The following RABGEF1 variants were observed in gnomAD, a reference collection of about 807,000 sequenced individuals.
The protein encoded by RABGEF1 is RAB guanine nucleotide exchange factor 1.
A neutral mutation model predicts 57.3 loss-of-function variants in RABGEF1; 26 were observed. That is an observed-to-expected ratio of 0.45 (90% CI 0.33 to 0.63). The LOEUF (loss-of-function observed/expected upper bound fraction) is 0.63, where lower values mean the gene tolerates loss of function less well. Ranked by LOEUF, RABGEF1 falls within the 20% of genes least tolerant of loss-of-function variation. The pLI, the probability that RABGEF1 is intolerant of heterozygous loss-of-function variation, is 0.02. For missense variants in RABGEF1, 464 were observed against 607.6 expected (o/e 0.76, Z 2.48); for synonymous variants, 185 against 210.7 (o/e 0.88, Z 1.06).
At chr7:66,715,613 AT>A (rs1795300300) in intron 2 of RABGEF1, among the ~76,000 whole-genome samples, 3 of 152,290 alleles carry the variant, frequency 2.0e-5, no homozygotes, top group African/African-American at 7.2e-5. Flanking sequence ...GCATTTGAAT[AT>A]TTTTTAGTGT....
At chr7:66,658,196 G>C in the RABGEF1 span, among the ~76,000 whole-genome samples, 37 of 152,064 alleles carry the variant, frequency 2.4e-4, no homozygotes, top group African/African-American at 8.9e-4. Context: ...CAAATCTCTA[G>C]AAACACAAAC....
chr7:66,684,838 T>C (rs566356699), intron 1 of RABGEF1, among the ~76,000 whole-genome samples: 11 of 152,262 alleles, frequency 7.2e-5, no homozygotes, highest in Admixed American at 1.3e-4. Flanking sequence ...GGTTTCACCA[T>C]GTTAGCCAGG....
the RABGEF1 span, chr7:66,666,369 T>A: frequency 6.6e-6 from 1 of 152,144 alleles, no homozygotes; most frequent in African/African-American, 2.4e-5. Flanking sequence ...CTCTGTTGGT[T>A]GCAAAAAACC....
At chr7:66,678,331 C>G (rs376820951), upstream of RABGEF1, among the ~76,000 whole-genome samples, 1 of 151,792 alleles carries the variant, frequency 6.6e-6, no homozygotes, top group African/African-American at 2.4e-5. Flanking sequence ...TTTGGGAGGC[C>G]GAGGTGGGCG....
In RABGEF1 at chr7:66,771,888, A is replaced by C. The variant is rs749395792; in HGVS notation, c.-12A>C. 6.7e-7 allele frequency: 1 copy of C among 1,485,584 alleles called. No individual in the cohort carries two copies. Among genetic ancestry groups the C allele is most frequent in the Non-Finnish European group, 9.0e-7 (1 of 1,111,044 alleles). The allele number at this position is 1,485,584 out of a possible 1,614,324, so 92.0% of individuals were successfully genotyped here. On this transcript the variant is annotated 5_prime_UTR_variant, in exon 2 of 9. Transcript: ENST00000284957. ...GCACTTTCTTGTTTGTTCAGTGGTTAGCAGGAAGAAGATGAGCCTTAAGTC... is the reference window on the plus strand; with the variant it reads ...GCACTTTCTTGTTTGTTCAGTGGTTCGCAGGAAGAAGATGAGCCTTAAGTC...
chr7:66,761,620 G>A (rs117020682), intron 1 of RABGEF1, among the ~76,000 whole-genome samples: 4 of 152,108 alleles, frequency 2.6e-5, no homozygotes, highest in African/African-American at 4.8e-5. Context: ...ACCAGCATTC[G>A]TCCCTCAGAG....
At chr7:66,727,127 A>G (rs904918810) in intron 2 of RABGEF1, among the ~76,000 whole-genome samples, 2 of 152,262 alleles carry the variant, frequency 1.3e-5, no homozygotes, top group Non-Finnish European at 2.9e-5. Flanking sequence ...GAATTTTATT[A>G]CAATAAAGCT....
chr7:66,745,117 G>C lies in RABGEF1; in HGVS notation c.-18+4325G>C, dbSNP rs933014816. 3.5e-4 allele frequency among the ~76,000 whole-genome samples: 53 copies of C among 152,114 alleles called. 1 individual carries two copies. Among genetic ancestry groups the C allele is most frequent in the Middle Eastern group, 6.8e-3 (2 of 292 alleles). On this transcript the variant is annotated intron_variant, in intron 1 of 8. Coordinates refer to ENST00000284957, the MANE Select transcript of RABGEF1 (RefSeq NM_014504.3). ...TGAGGCAGGAGAATGGCGTGAACCC[G>C]GGAGGCGGAGCTTGCAGTGAGCCGA...
chr7:66,765,586 C>T (rs867424975), intron 1 of RABGEF1, among the ~76,000 whole-genome samples: 3 of 152,252 alleles, frequency 2.0e-5, no homozygotes, highest in Non-Finnish European at 2.9e-5. Context: ...TGAAATCATT[C>T]AGGACGTACA....
At chr7:66,714,867 G>A (rs1193142780) in intron 2 of RABGEF1, among the ~76,000 whole-genome samples, 4 of 152,268 alleles carry the variant, frequency 2.6e-5, no homozygotes, top group Non-Finnish European at 4.4e-5. Context: ...CCCGGGAGGC[G>A]GAGCTTGTAG....
At chr7:66,768,073 G>A (rs13236129) in intron 1 of RABGEF1, among the ~76,000 whole-genome samples, 15,733 of 152,170 alleles carry the variant, frequency 0.1, 994 homozygotes, top group South Asian at 0.2. Context: ...TACTATAACC[G>A]TTTGCGTATA....
intron 2 of RABGEF1, among the ~76,000 whole-genome samples, chr7:66,714,897 T>G (rs1342661021): frequency 6.6e-6 from 1 of 152,176 alleles, no homozygotes; most frequent in African/African-American, 2.4e-5. Flanking sequence ...ATCCTGCCAC[T>G]GCACTCCAGC....
intron 1 of RABGEF1, among the ~76,000 whole-genome samples, chr7:66,696,605 A>T (rs1158622328): frequency 1.3e-5 from 2 of 149,818 alleles, no homozygotes; most frequent in African/African-American, 4.9e-5. Context: ...CAGGAGGATC[A>T]CTTGAACCCA....
intron 8 of RABGEF1, among the ~76,000 whole-genome samples, chr7:66,805,893 C>CA (rs1788327923): frequency 6.6e-6 from 1 of 151,690 alleles, no homozygotes; most frequent in South Asian, 2.1e-4. Flanking sequence ...CACAGGCATG[C>CA]ACCATCACAC....
At chr7:66,722,060 G>T (rs1796112411) in intron 2 of RABGEF1, among the ~76,000 whole-genome samples, 1 of 152,152 alleles carries the variant, frequency 6.6e-6, no homozygotes, top group African/African-American at 2.4e-5. Flanking sequence ...GTCCCAGCTA[G>T]GCAGGAAGAT....
intron 2 of RABGEF1, among the ~76,000 whole-genome samples, chr7:66,734,674 C>T (rs1797737663): frequency 6.6e-6 from 1 of 151,266 alleles, no homozygotes; most frequent in Non-Finnish European, 1.5e-5. Flanking sequence ...CTCAAGTGAT[C>T]CATCCACCTT....
At chr7:66,740,685 G>C (rs1164619515), upstream of RABGEF1, 1 of 152,706 alleles carries the variant, frequency 6.5e-6, no homozygotes, top group Non-Finnish European at 1.5e-5. Context: ...TGCCGGGGGC[G>C]GGGCGAGCAG....
chr7:66,744,667 C>CAAAA (rs774941950), intron 1 of RABGEF1, among the ~76,000 whole-genome samples: 1 of 71,044 alleles, frequency 1.4e-5, no homozygotes, highest in Non-Finnish European at 2.8e-5. Context: ...GACTCCGTCT[C>CAAAA]AAAAAAAAAA....
chr7:66,666,387 G>C, the RABGEF1 span: 1 of 152,252 alleles, frequency 6.6e-6, no homozygotes, highest in African/African-American at 2.4e-5. Context: ...ACCTGGGAGG[G>C]AAGAGAGACA....
Sources: allele counts gnomAD v4.1 joint callset (sites outside exome capture counted in the v4.1 genomes callset), GRCh38; gene constraint gnomAD v4.1.1; transcripts MANE v1.5; gene names NCBI Gene and HGNC (gene_info 2026-07-23, HGNC 2026-07-21).